Variants in SERPINB7 observed in about 807,000 individuals in gnomAD.
SERPINB7 encodes the protein serpin family B member 7, also known as serpin B7.
A neutral mutation model predicts 37.4 loss-of-function variants in SERPINB7; 31 were observed. The observed-to-expected ratio is 0.83, with a 90% CI of 0.62 to 1.12. SERPINB7 has a LOEUF of 1.12. SERPINB7 is among the 50% of genes most tolerant of loss of function. SERPINB7 has a pLI of 0.00. For missense variants in SERPINB7, 521 were observed against 455.3 expected, an observed-to-expected ratio of 1.14 and a Z score of -1.31; for synonymous variants, 163 against 166.1, an observed-to-expected ratio of 0.98 and a Z score of 0.14.
chr18:63,781,276 G>T (rs960559858), intron 1 of SERPINB7, among the ~76,000 whole-genome samples: 1 of 152,124 alleles, frequency 6.6e-6, no homozygotes, highest in African/African-American at 2.4e-5. Flanking sequence ...GTTGAGAATC[G>T]CTATGCTAGA....
intron 1 of SERPINB7, among the ~76,000 whole-genome samples, chr18:63,762,309 T>G (rs1470726840): frequency 6.6e-6 from 1 of 152,216 alleles, no homozygotes; most frequent in African/African-American, 2.4e-5. Flanking sequence ...TCCACTACAC[T>G]TATCTTCTTT....
chr18:63,793,453 C>T (rs1408832104), intron 4 of SERPINB7, among the ~76,000 whole-genome samples, 176 bp downstream of exon 4: 3 of 152,092 alleles, frequency 2.0e-5, no homozygotes, highest in South Asian at 2.1e-4. Context: ...AACTTTTTAC[C>T]CAATTAATCC....
chr18:63,781,459 T>A (rs567720785), intron 1 of SERPINB7, among the ~76,000 whole-genome samples: 1 of 152,364 alleles, frequency 6.6e-6, no homozygotes, highest in African/African-American at 2.4e-5. Flanking sequence ...CACCATCAGA[T>A]GTAATATCAT....
At chr18:63,799,261 C>T (rs2144643093) in intron 6 of SERPINB7, among the ~76,000 whole-genome samples, 1 of 152,206 alleles carries the variant, frequency 6.6e-6, no homozygotes, top group East Asian at 1.9e-4. Context: ...ATCTTATTGC[C>T]AACCTTTATA....
intron 1 of SERPINB7, among the ~76,000 whole-genome samples, chr18:63,758,821 C>G (rs1418189183): frequency 6.6e-6 from 1 of 152,220 alleles, no homozygotes; most frequent in Admixed American, 6.5e-5. Context: ...GCAGAAAGCC[C>G]AGCTCACTAC....
chr18:63,787,494 T>G (rs530015808), intron 2 of SERPINB7, among the ~76,000 whole-genome samples: 10 of 152,304 alleles, frequency 6.6e-5, no homozygotes, highest in African/African-American at 2.4e-4. Context: ...GGAGAATGAC[T>G]TCTGGATAGT....
chr18:63,789,929 C>T (rs1406748389), intron 2 of SERPINB7, among the ~76,000 whole-genome samples: 4 of 152,266 alleles, frequency 2.6e-5, no homozygotes, highest in Non-Finnish European at 5.9e-5. Flanking sequence ...TGCTGATGTT[C>T]CCAGGCTGTT....
chr18:63,783,210 G>A (rs994724026), intron 2 of SERPINB7, among the ~76,000 whole-genome samples: 28 of 98,594 alleles, frequency 2.8e-4, no homozygotes, highest in African/African-American at 1.2e-3. Flanking sequence ...GAGAGAGAGA[G>A]AGAGAGAGAG....
chr18:63,764,384 G>T (rs961095537), intron 1 of SERPINB7, among the ~76,000 whole-genome samples: 3 of 152,128 alleles, frequency 2.0e-5, no homozygotes, highest in African/African-American at 4.8e-5. Context: ...AAGTGGTTTG[G>T]CCCTTTCTTG....
chr18:63,804,748 C>G lies in SERPINB7; in HGVS notation c.*113C>G. 8.7e-7 allele frequency: 1 copy of G among 1,148,122 alleles called. No homozygotes were observed. The highest frequency in any genetic ancestry group is 2.4e-5 in the East Asian group (1 of 41,316). 71.1% of individuals were successfully genotyped at this position (1,148,122 alleles called of 1,614,324 possible). On this transcript the variant is annotated 3_prime_UTR_variant, in exon 8 of 8. Coordinates refer to ENST00000398019, the MANE Select transcript of SERPINB7 (RefSeq NM_003784.4). ...GGTGTTTCCTTTGAGTTTATTTCTT[C>G]CTAACATTGGTCAGCAGATGACACT...
At chr18:63,765,106 C>G (rs2049173789) in intron 1 of SERPINB7, among the ~76,000 whole-genome samples, 1 of 152,052 alleles carries the variant, frequency 6.6e-6, no homozygotes, top group Admixed American at 6.6e-5. Flanking sequence ...TCATAGTCAC[C>G]TCCCACAATT....
intron 2 of SERPINB7, among the ~76,000 whole-genome samples, chr18:63,789,611 G>A (rs1224406470): frequency 2.0e-5 from 3 of 152,148 alleles, no homozygotes; most frequent in Non-Finnish European, 4.4e-5. Flanking sequence ...AGGATACAGA[G>A]TACCCAGTAT....
intron 6 of SERPINB7, 50 bp downstream of exon 6, chr18:63,798,796 C>T (rs369889469): frequency 2.9e-5 from 45 of 1,572,454 alleles, no homozygotes; most frequent in Non-Finnish European, 3.8e-5. Context: ...CAATCGTATT[C>T]CTTTGCAGGA....
In SERPINB7 at chr18:63,805,207, T is replaced by C. The variant is rs1364751344; in HGVS notation, c.*572T>C. 1 of 152,392 alleles carries C rather than the reference T, an allele frequency of 6.6e-6. No individual in the cohort carries two copies. The highest frequency in any genetic ancestry group is 1.5e-5 in the Non-Finnish European group (1 of 68,190). 9.4% of individuals were successfully genotyped at this position (152,392 alleles called of 1,614,324 possible). ...CAAAATATTTCATTAATGCTTTCAA[T>C]TGACAAATTTTGGTCTTTCTTTGAT... On this transcript the variant is annotated 3_prime_UTR_variant, in exon 8 of 8. Transcript: ENST00000398019.
chr18:63,774,244 G>A (rs114614111), upstream of SERPINB7, among the ~76,000 whole-genome samples: 1 of 151,996 alleles, frequency 6.6e-6, no homozygotes, highest in Non-Finnish European at 1.5e-5. Flanking sequence ...TACTTTATTC[G>A]ATTTTGGATA....
intron 7 of SERPINB7, 71 bp from the exon 8 acceptor site, chr18:63,804,166 A>G (rs1229176546): frequency 1.8e-6 from 2 of 1,104,040 alleles, no homozygotes; most frequent in Non-Finnish European, 2.6e-6. Flanking sequence ...AAAACTATGT[A>G]TCTCTGTAGC....
At chr18:63,774,576 C>G (rs2049231468), upstream of SERPINB7, among the ~76,000 whole-genome samples, 1 of 152,076 alleles carries the variant, frequency 6.6e-6, no homozygotes, top group Non-Finnish European at 1.5e-5. Flanking sequence ...TGGGCCCAAC[C>G]TACCTTTCCC....
chr18:63,793,648 G>A (rs1195527617), intron 4 of SERPINB7, among the ~76,000 whole-genome samples: 2 of 152,068 alleles, frequency 1.3e-5, no homozygotes, highest in African/African-American at 4.8e-5. Flanking sequence ...GTGACCACAG[G>A]TGCATGCCAC....
Position 63,793,249 on chromosome 18 carries a change from T to C in SERPINB7, c.308T>C (p.Phe103Ser). The change falls in exon 4 of 8, where the codon TTT becomes TCT. Residue 103 changes from phenylalanine to serine, a missense_variant. Coordinates refer to ENST00000398019, the MANE Select transcript of SERPINB7 (RefSeq NM_003784.4). Reference sequence around the variant, plus strand: ...GATCTCAGCATTGTGAATGGGCTTTTTGCTGAAAAAGTGTATGGCTTTCAT... The same window carrying C: ...GATCTCAGCATTGTGAATGGGCTTTCTGCTGAAAAAGTGTATGGCTTTCAT... ...DYDLSIVNGL[F>S]AEKVYGFHKD... The C allele has an allele frequency of 1.2e-6, 2 of 1,602,502 alleles. No homozygotes were observed. Among genetic ancestry groups the C allele is most frequent in the Non-Finnish European group, 1.7e-6 (2 of 1,172,794 alleles).
Sources: allele counts gnomAD v4.1 joint callset (sites outside exome capture counted in the v4.1 genomes callset), GRCh38; gene constraint gnomAD v4.1.1; transcripts MANE v1.5; gene names NCBI Gene and HGNC (gene_info 2026-07-23, HGNC 2026-07-21).